The following TDP2 variants were observed in gnomAD, a reference collection of about 807,000 sequenced individuals.
TDP2 encodes the protein 5'-Tyr-DNA phosphodiesterase.
Under a neutral mutation model 42.8 loss-of-function variants are expected in TDP2, and 38 were observed. The observed-to-expected ratio is 0.89, with a 90% confidence interval of 0.68 to 1.16. The LOEUF (loss-of-function observed/expected upper bound fraction) is 1.16, where lower values mean the gene tolerates loss of function less well. Among genes scored for constraint, TDP2 ranks in the 50% most tolerant of loss-of-function variants. TDP2 has a pLI of 0.00. For missense variants in TDP2, 439 were observed against 439.3 expected (o/e 1.00, Z 0.01); for synonymous variants, 173 against 150.6 (o/e 1.15, Z -1.09).
At chr6:24,666,061 G>C (rs1157796754) in intron 2 of TDP2, 2 of 1,519,422 alleles carry the variant, frequency 1.3e-6, no homozygotes, top group Non-Finnish European at 1.8e-6. Context: ...AACTGGAGAG[G>C]GGCACTGAAA....
At position 24,666,858 on chromosome 6, in the gene TDP2, T is replaced by A. The variant is rs1778258056; in HGVS notation, c.5A>T (p.Glu2Val). The change falls in exon 1 of 7, where the codon GAG becomes GTG. Residue 2 changes from glutamate (E) to valine (V), a missense_variant. Transcript: ENST00000378198. M[E>V]LGSCLEGGRE... The stretch of plus-strand genomic sequence containing the variant: ...CCCGCCCTCCAGGCAACTCCCCAAC[T>A]CCATCTTCCTGCCGCCTCTGCACCG... 2 of 1,613,448 alleles carry A rather than the reference T, an allele frequency of 1.2e-6. No individual in the cohort carries two copies. The highest frequency in any genetic ancestry group is 1.7e-6 in the Non-Finnish European group (2 of 1,179,980).
intron 2 of TDP2, among the ~76,000 whole-genome samples, chr6:24,663,108 G>T (rs1778181283): frequency 6.6e-6 from 1 of 152,146 alleles, no homozygotes; most frequent in South Asian, 2.1e-4. Context: ...TGTCATGGGT[G>T]ATGTATGGGG....
intron 6 of TDP2, among the ~76,000 whole-genome samples, chr6:24,652,158 T>C (rs1376922163): frequency 6.6e-6 from 1 of 152,240 alleles, no homozygotes; most frequent in Non-Finnish European, 1.5e-5. Flanking sequence ...TCACTCAGCA[T>C]AATGTCTTTA....
chr6:24,661,893 T>G (rs946497255), intron 2 of TDP2, among the ~76,000 whole-genome samples: 10 of 152,190 alleles, frequency 6.6e-5, no homozygotes, highest in Admixed American at 5.2e-4. Context: ...CATTTTGATC[T>G]GTACTAAGAA....
chr6:24,666,011 T>C (rs1267554979), intron 2 of TDP2: 9 of 1,421,948 alleles, frequency 6.3e-6, no homozygotes, highest in Middle Eastern at 1.8e-4. Context: ...AGCCAAATAG[T>C]AGAGGGCCTT....
In TDP2 at chr6:24,650,071, A is replaced by G. The variant is rs2127616310; in HGVS notation, c.*717T>C. 1 of 152,346 alleles carries G rather than the reference A, an allele frequency of 6.6e-6. No individual in the cohort carries two copies. The highest frequency in any genetic ancestry group is 1.9e-4 in the East Asian group (1 of 5,186). The allele number at this position is 152,346 out of a possible 1,614,324, so 9.4% of individuals were successfully genotyped here. ...AGTAATTTGCATTTACTTCCTGTAAAGCATTTCCATTTCACAATTAGCAAA... is the reference window on the plus strand; with the variant it reads ...AGTAATTTGCATTTACTTCCTGTAAGGCATTTCCATTTCACAATTAGCAAA... On this transcript the variant is annotated 3_prime_UTR_variant, in exon 7 of 7. Transcript: ENST00000378198.
At chr6:24,656,567 G>A (rs1276411746) in intron 4 of TDP2, among the ~76,000 whole-genome samples, 1 of 152,014 alleles carries the variant, frequency 6.6e-6, no homozygotes, top group Non-Finnish European at 1.5e-5. Flanking sequence ...ATTTTAAAAA[G>A]ACCCAAAGAA....
At chr6:24,665,500 G>C (rs1051579727) in intron 2 of TDP2, among the ~76,000 whole-genome samples, 7 of 152,216 alleles carry the variant, frequency 4.6e-5, no homozygotes, top group African/African-American at 1.7e-4. Context: ...TAGCTGAAAA[G>C]ACCAAAGGGA....
rs778549935 is a variant in TDP2, at chr6:24,666,806, C to T, written c.57G>A (p.Glu19=). Residue 19 remains glutamate (E), a synonymous_variant, in exon 1 of 7, where the codon GAG becomes GAA. Coordinates refer to ENST00000378198, the MANE Select transcript of TDP2 (RefSeq NM_016614.3). ...GGREAAEEEG[E]PEVKKRRLLC... ...GAAGTCGCCGCTTTTTCACCTCAGG[C>T]TCGCCCTCTTCCTCCGCCGCCTCCC... The T allele has an allele frequency of 3.4e-5, 55 of 1,614,114 alleles. 1 individual carries two copies. In the South Asian group the frequency reaches 4.1e-4, roughly 12 times the overall value.
chr6:24,660,412 C>T (rs1044625781), intron 2 of TDP2, among the ~76,000 whole-genome samples: 1 of 152,166 alleles, frequency 6.6e-6, no homozygotes, highest in East Asian at 1.9e-4. Flanking sequence ...CAAACCTGTA[C>T]AGCATGCTAC....
chr6:24,658,550 A>C lies in TDP2; in HGVS notation c.425+11T>G, dbSNP rs756665707. The C allele has an allele frequency of 1.2e-6, 2 of 1,601,024 alleles. No individual in the cohort carries two copies. The highest frequency in any genetic ancestry group is 2.2e-5 in the South Asian group (2 of 89,488). On this transcript the variant is annotated intron_variant, in intron 3 of 6. Coordinates refer to ENST00000378198, the MANE Select transcript of TDP2 (RefSeq NM_016614.3). ...GACACATTACTATTAAATAGAAGTGATAATACTTACAAAGCTAAGTAGGAA... is the reference window on the plus strand; with the variant it reads ...GACACATTACTATTAAATAGAAGTGCTAATACTTACAAAGCTAAGTAGGAA...
chr6:24,654,057 C>T (rs1331936438), intron 5 of TDP2, among the ~76,000 whole-genome samples: 3 of 152,216 alleles, frequency 2.0e-5, no homozygotes, highest in Admixed American at 6.5e-5. Flanking sequence ...TACACACTCT[C>T]CCTTACTAAT....
At chr6:24,652,931 GTCTCCA>G in intron 6 of TDP2, 46 bp downstream of exon 6, 1 of 1,593,738 alleles carries the variant, frequency 6.3e-7, no homozygotes, top group Non-Finnish European at 8.5e-7. Context: ...ACCTAAATTA[GTCTCCA>G]TAGCAATAAT....
rs1778254352 is a variant in TDP2, at chr6:24,666,804, G to A, written c.59C>T (p.Pro20Leu). 6.2e-7 allele frequency: 1 copy of A among 1,614,086 alleles called. No homozygotes were observed. Among genetic ancestry groups the A allele is most frequent in the Non-Finnish European group, 8.5e-7 (1 of 1,180,038 alleles). ...GREAAEEEGE[P>L]EVKKRRLLCV... The stretch of plus-strand genomic sequence containing the variant: ...CAGAAGTCGCCGCTTTTTCACCTCA[G>A]GCTCGCCCTCTTCCTCCGCCGCCTC... Residue 20 changes from proline to leucine, a missense_variant, in exon 1 of 7, where the codon CCT becomes CTT. Transcript: ENST00000378198.
At chr6:24,661,829 G>GAA (rs1554188517) in intron 2 of TDP2, among the ~76,000 whole-genome samples, 5,233 of 150,690 alleles carry the variant, frequency 0.035, 143 homozygotes, top group Middle Eastern at 0.12. Flanking sequence ...GTGGGGGAAA[G>GAA]AGAGATCAGA....
At chr6:24,656,896 G>A (rs904004952) in intron 4 of TDP2, among the ~76,000 whole-genome samples, 4 of 152,106 alleles carry the variant, frequency 2.6e-5, no homozygotes, top group African/African-American at 7.2e-5. Context: ...AACCAAGAAG[G>A]AAGCATGGGA....
chr6:24,662,642 G>A (rs1193399574), intron 2 of TDP2, among the ~76,000 whole-genome samples: 1 of 151,726 alleles, frequency 6.6e-6, no homozygotes, highest in Non-Finnish European at 1.5e-5. Flanking sequence ...AGAGACCAGT[G>A]CCCATGCAGA....
rs771928592 is a variant in TDP2 at position 24,650,794 on chromosome 6, T to C, written c.1083A>G (p.Ile361Met). The C allele has an allele frequency of 1.9e-6, 3 of 1,613,162 alleles. No homozygotes were observed. Among genetic ancestry groups the C allele is most frequent in the Non-Finnish European group, 2.5e-6 (3 of 1,179,464 alleles). Residue 361 changes from isoleucine to methionine, a missense_variant, in exon 7 of 7, where the codon ATA becomes ATG. Transcript: ENST00000378198. Reference sequence around the variant, plus strand: ...CCCACACTTGAAAAGCATTTTACAATATTATATCTAAGTTGCACAGAAGAC... The same window carrying C: ...CCCACACTTGAAAAGCATTTTACAACATTATATCTAAGTTGCACAGAAGAC... ...HWGLLCNLDI[I>M]L
At chr6:24,654,362 A>G (rs1430590131) in intron 5 of TDP2, 50 bp downstream of exon 5, 1 of 995,298 alleles carries the variant, frequency 1.0e-6, no homozygotes, top group South Asian at 1.5e-5. Context: ...ACACAAAACT[A>G]TGAAAAAATC....
Sources: gnomAD v4.1 joint callset for allele counts (sites outside exome capture counted in the v4.1 genomes callset) on GRCh38, gnomAD v4.1.1 for gene constraint, MANE v1.5 for transcripts, NCBI Gene and HGNC (gene_info 2026-07-23, HGNC 2026-07-21) for gene names.